CPLX1: variants seen among roughly 807,000 people sequenced by gnomAD.
The protein encoded by CPLX1 is complexin 1.
Under a neutral mutation model 15.6 loss-of-function variants are expected in CPLX1, and 6 were observed. The ratio of observed to expected loss-of-function variants is 0.39; its 90% confidence interval spans 0.21 to 0.76. The LOEUF (loss-of-function observed/expected upper bound fraction) is 0.76. Ranked by LOEUF, CPLX1 falls within the 30% of genes least tolerant of loss-of-function variation. The pLI is 0.43. For synonymous variants in CPLX1, 91 were observed against 75.2 expected (o/e 1.21, Z -1.08); for missense variants, 242 against 188.6 (o/e 1.28, Z -1.66).
In CPLX1 at chr4:786,342, C is replaced by T; in HGVS notation, c.*159G>A. On this transcript the variant is annotated 3_prime_UTR_variant, in exon 4 of 4. Coordinates refer to ENST00000304062, the MANE Select transcript of CPLX1 (RefSeq NM_006651.4). ...GGGGGGGTCCTGGGGGCGCGCGCCCCTTGCCGGGTGAGGGAGGCGGCGGGC... is the reference window on the plus strand; with the variant it reads ...GGGGGGGTCCTGGGGGCGCGCGCCCTTTGCCGGGTGAGGGAGGCGGCGGGC... 1.4e-6 allele frequency: 1 copy of T among 726,380 alleles called. No individual in the cohort carries two copies. The allele number at this position is 726,380 out of a possible 1,614,324, so 45.0% of individuals were successfully genotyped here.
intron 3 of CPLX1, among the ~76,000 whole-genome samples, chr4:791,569 C>G (rs908898589): frequency 1.3e-5 from 2 of 152,228 alleles, no homozygotes; most frequent in Admixed American, 6.5e-5. Flanking sequence ...ACGGCTTCTC[C>G]ACCTGCTCCA....
chr4:824,754 T>C (rs997402682), intron 1 of CPLX1, 153 bp from the exon 2 acceptor site: 4 of 691,288 alleles, frequency 5.8e-6, no homozygotes, highest in Non-Finnish European at 2.6e-6. Context: ...GGGGCTTCTG[T>C]CCCCACACCC....
In CPLX1 at chr4:799,064, G is replaced by A. The variant is rs953926324; in HGVS notation, c.32-6456C>T. Among the ~76,000 whole-genome samples, 4 of 152,094 alleles carry A rather than the reference G, an allele frequency of 2.6e-5. No individual in the cohort carries two copies. In the East Asian group the frequency reaches 7.7e-4, roughly 29 times the overall value. Reference sequence around the variant, plus strand: ...TCCCATGGCCCTTGTTATAATGTTGGGGCCCTTTAGAATCAGGAAACAGAA... The same window carrying A: ...TCCCATGGCCCTTGTTATAATGTTGAGGCCCTTTAGAATCAGGAAACAGAA... On this transcript the variant is annotated intron_variant, in intron 2 of 3. Transcript: ENST00000304062.
At chr4:787,790 G>A (rs1242854166) in intron 3 of CPLX1, 14 of 985,324 alleles carry the variant, frequency 1.4e-5, no homozygotes, top group African/African-American at 3.5e-5. Flanking sequence ...CAGCCCTCCC[G>A]TGAGCCACCA....
At chr4:809,027 C>G (rs552106523) in intron 2 of CPLX1, among the ~76,000 whole-genome samples, 1 of 152,256 alleles carries the variant, frequency 6.6e-6, no homozygotes, top group South Asian at 2.1e-4. Context: ...GGCGGCAGGC[C>G]GGGCTCCAGC....
At chr4:810,548 T>C (rs1017643998) in intron 2 of CPLX1, among the ~76,000 whole-genome samples, 16 of 152,240 alleles carry the variant, frequency 1.1e-4, no homozygotes, top group African/African-American at 2.9e-4. Flanking sequence ...CTGGTCACCC[T>C]AGTGGGTGTG....
intron 2 of CPLX1, among the ~76,000 whole-genome samples, chr4:801,468 C>T (rs139340470): frequency 3.9e-5 from 6 of 152,312 alleles, no homozygotes; most frequent in African/African-American, 1.2e-4. Flanking sequence ...TAGTCATGGA[C>T]CATGTAAAGC....
intron 3 of CPLX1, among the ~76,000 whole-genome samples, chr4:788,735 C>T (rs1182677399): frequency 6.6e-6 from 1 of 150,844 alleles, no homozygotes; most frequent in Non-Finnish European, 1.5e-5. Context: ...GAGAGCGATG[C>T]CACTGGAAGC....
chr4:791,141 C>T, intron 3 of CPLX1, among the ~76,000 whole-genome samples: 1 of 151,368 alleles, frequency 6.6e-6, no homozygotes, highest in East Asian at 1.9e-4. Context: ...TGCATTTTCT[C>T]CTGACTTCCT....
At chr4:802,044 A>T (rs1399352356) in intron 2 of CPLX1, among the ~76,000 whole-genome samples, 1 of 152,138 alleles carries the variant, frequency 6.6e-6, no homozygotes, top group Non-Finnish European at 1.5e-5. Context: ...CAGAAATTCC[A>T]CTCCTAGGTG....
chr4:790,966 C>G (rs948943797), intron 3 of CPLX1, among the ~76,000 whole-genome samples: 6 of 130,826 alleles, frequency 4.6e-5, no homozygotes, highest in Admixed American at 7.5e-5. Context: ...CTCTCTGTGT[C>G]TCTGTCTCTC....
intron 2 of CPLX1, among the ~76,000 whole-genome samples, chr4:818,176 C>T (rs1477499898): frequency 1.3e-5 from 2 of 152,218 alleles, no homozygotes; most frequent in Non-Finnish European, 2.9e-5. Context: ...GAGCACAGGT[C>T]CAAGCCAAGC....
Position 785,333 on chromosome 4 carries a change from C to T in CPLX1, c.*1168G>A, listed in dbSNP as rs186990505. The T allele has an allele frequency of 2.2e-4, 33 of 152,612 alleles. No individual in the cohort carries two copies. Among genetic ancestry groups the T allele is most frequent in the African/African-American group, 7.2e-4 (30 of 41,568 alleles). 9.5% of individuals were successfully genotyped at this position (152,612 alleles called of 1,614,324 possible). ...GTCGGTCGTTAGTATTGCAGTCTAACGTTATGGCTTCTCTAAAGCTATGTA... is the reference window on the plus strand; with the variant it reads ...GTCGGTCGTTAGTATTGCAGTCTAATGTTATGGCTTCTCTAAAGCTATGTA... On this transcript the variant is annotated 3_prime_UTR_variant, in exon 4 of 4. Transcript: ENST00000304062.
At chr4:802,872 A>C (rs541181060) in intron 2 of CPLX1, among the ~76,000 whole-genome samples, 1 of 150,448 alleles carries the variant, frequency 6.6e-6, no homozygotes, top group African/African-American at 2.4e-5. Flanking sequence ...AATTGCTTGA[A>C]CTCGGGAGGC....
chr4:821,118 G>A (rs867960130), intron 2 of CPLX1, among the ~76,000 whole-genome samples: 11 of 152,282 alleles, frequency 7.2e-5, no homozygotes, highest in South Asian at 2.1e-4. Flanking sequence ...ACCACTCTCC[G>A]GGGACAAGGA....
intron 2 of CPLX1, among the ~76,000 whole-genome samples, chr4:814,495 G>A (rs569178068): frequency 1.8e-4 from 28 of 152,278 alleles, no homozygotes; most frequent in African/African-American, 6.5e-4. Context: ...TTTCAGGCAT[G>A]AGCCACCACG....
At chr4:813,548 G>T (rs916197710) in intron 2 of CPLX1, among the ~76,000 whole-genome samples, 2 of 152,134 alleles carry the variant, frequency 1.3e-5, no homozygotes, top group Non-Finnish European at 2.9e-5. Flanking sequence ...GTGGCAATGA[G>T]ATATCAAGAA....
Position 786,371 on chromosome 4 carries a change from G to A in CPLX1, c.*130C>T, listed in dbSNP as rs1745988003. On this transcript the variant is annotated 3_prime_UTR_variant, in exon 4 of 4. Coordinates refer to ENST00000304062, the MANE Select transcript of CPLX1 (RefSeq NM_006651.4). ...CCGGGTGAGGGAGGCGGCGGGCGCG[G>A]GCAGGGCGGGCCTGGGGCTATGGCT... The A allele has an allele frequency of 4.4e-5, 46 of 1,034,480 alleles. No individual in the cohort carries two copies. In the South Asian group the frequency reaches 6.4e-4, roughly 14 times the overall value. The allele number at this position is 1,034,480 out of a possible 1,614,324, so 64.1% of individuals were successfully genotyped here.
At chr4:788,122 C>T (rs1746057649) in intron 3 of CPLX1, 2 of 985,282 alleles carry the variant, frequency 2.0e-6, no homozygotes, top group African/African-American at 3.5e-5. Context: ...CCTTTCTGCC[C>T]AGGAGGAGCC....
Sources: allele counts gnomAD v4.1 joint callset (sites outside exome capture counted in the v4.1 genomes callset), GRCh38; gene constraint gnomAD v4.1.1; transcripts MANE v1.5; gene names NCBI Gene and HGNC (gene_info 2026-07-23, HGNC 2026-07-21).